Variants in PCGF5 observed in about 807,000 individuals in gnomAD.
PCGF5 encodes polycomb group ring finger 5, also known as polycomb group RING finger protein 5.
PCGF5 carries 9 observed loss-of-function variants against 44.3 expected under a neutral mutation model. That is an observed-to-expected ratio of 0.20 (90% CI 0.12 to 0.35). The LOEUF is 0.35. PCGF5 is among the 10% of genes least tolerant of loss of function. PCGF5 has a pLI of 1.00. For synonymous variants in PCGF5, 95 were observed against 102.5 expected, an observed-to-expected ratio of 0.93 and a Z score of 0.44; for missense variants, 146 against 305.3, an observed-to-expected ratio of 0.48 and a Z score of 3.89.
intron 9 of PCGF5, among the ~76,000 whole-genome samples, chr10:91,273,961 T>C (rs1013029160): frequency 2.0e-5 from 3 of 151,720 alleles, no homozygotes; most frequent in Admixed American, 2.0e-4. Flanking sequence ...TGTTTTCCTA[T>C]TGAAAAATTT....
chr10:91,215,145 A>C (rs1844519500), intron 1 of PCGF5, among the ~76,000 whole-genome samples: 1 of 152,222 alleles, frequency 6.6e-6, no homozygotes, highest in Admixed American at 6.5e-5. Context: ...AAGTTGTTCA[A>C]ATCAGGAACA....
At chr10:91,241,787 T>A (rs1845334854) in intron 3 of PCGF5, among the ~76,000 whole-genome samples, 5 of 152,154 alleles carry the variant, frequency 3.3e-5, no homozygotes, top group African/African-American at 1.2e-4. Flanking sequence ...GATTTGCAAA[T>A]CTTACATTTC....
At chr10:91,253,495 C>G (rs1589398620) in intron 6 of PCGF5, among the ~76,000 whole-genome samples, 1 of 152,024 alleles carries the variant, frequency 6.6e-6, no homozygotes, top group African/African-American at 2.4e-5. Flanking sequence ...GGAAACTTGA[C>G]TTGTCTAAGT....
At chr10:91,190,822 G>A (rs1214684613) in intron 1 of PCGF5, among the ~76,000 whole-genome samples, 9 of 152,202 alleles carry the variant, frequency 5.9e-5, no homozygotes, top group Admixed American at 5.9e-4. Context: ...AAAGCAGAAG[G>A]TTGTGATGTG....
chr10:91,242,534 A>G (rs182444535), intron 3 of PCGF5, among the ~76,000 whole-genome samples: 52 of 152,298 alleles, frequency 3.4e-4, no homozygotes, highest in Middle Eastern at 3.4e-3. Context: ...AGATACCTGA[A>G]GGAATCCAGT....
chr10:91,193,319 C>G (rs1844067994), intron 1 of PCGF5, among the ~76,000 whole-genome samples: 1 of 152,094 alleles, frequency 6.6e-6, no homozygotes, highest in Admixed American at 6.5e-5. Flanking sequence ...GAGGACCCAG[C>G]TCAGCCAAAT....
intron 2 of PCGF5, chr10:91,227,306 C>A (rs779010470): frequency 1.3e-6 from 1 of 768,376 alleles, no homozygotes. Flanking sequence ...CCTCTCAAAT[C>A]TTTATTTTTG....
At chr10:91,232,304 T>C (rs1272784075) in intron 2 of PCGF5, among the ~76,000 whole-genome samples, 1 of 152,198 alleles carries the variant, frequency 6.6e-6, no homozygotes, top group Admixed American at 6.5e-5. Context: ...TGGAAATTTT[T>C]TTATTTTCTG....
intron 2 of PCGF5, chr10:91,227,752 C>T: frequency 1.0e-6 from 1 of 1,000,620 alleles, no homozygotes; most frequent in Non-Finnish European, 1.2e-6. Context: ...TTTCTGCCTA[C>T]CACTTCCTCC....
intron 7 of PCGF5, among the ~76,000 whole-genome samples, chr10:91,262,430 A>AAAAAG (rs974378183): frequency 6.6e-6 from 1 of 152,170 alleles, no homozygotes; most frequent in Non-Finnish European, 1.5e-5. Flanking sequence ...TCCATCTCAA[A>AAAAAG]AAAAGAAAAG....
At chr10:91,165,588 A>G (rs1302982909) in intron 1 of PCGF5, among the ~76,000 whole-genome samples, 2 of 152,208 alleles carry the variant, frequency 1.3e-5, no homozygotes, top group African/African-American at 4.8e-5. Context: ...CCCAGGCTCA[A>G]GTGATCCAAT....
rs77724997 is a variant in PCGF5 at position 91,183,722 on chromosome 10, T to G, written c.-184+20641T>G. 2.6e-5 allele frequency among the ~76,000 whole-genome samples: 4 copies of G among 152,334 alleles called. No individual in the cohort carries two copies. The East Asian group carries it at 7.7e-4, about 29-fold the overall frequency. On this transcript the variant is annotated intron_variant, in intron 1 of 9. Transcript: ENST00000614189. Reference sequence around the variant, plus strand: ...CTGGTAATAGTCCTTCTTTGCCATATGTAGTGTGTCCTTCAGGAGTCTTGT... The same window carrying G: ...CTGGTAATAGTCCTTCTTTGCCATAGGTAGTGTGTCCTTCAGGAGTCTTGT...
At chr10:91,177,434 G>A (rs1843729180) in intron 1 of PCGF5, among the ~76,000 whole-genome samples, 1 of 152,232 alleles carries the variant, frequency 6.6e-6, no homozygotes, top group South Asian at 2.1e-4. Flanking sequence ...CTTCCAAGCT[G>A]TCAGACAGAG....
At chr10:91,158,400 C>T (rs551046462), upstream of PCGF5, among the ~76,000 whole-genome samples, 92 of 152,286 alleles carry the variant, frequency 6.0e-4, no homozygotes, top group African/African-American at 1.9e-3. Context: ...CAACTAGCTA[C>T]GGCGAACTGA....
chr10:91,208,600 C>G (rs1301192767), intron 1 of PCGF5, among the ~76,000 whole-genome samples: 1 of 152,138 alleles, frequency 6.6e-6, no homozygotes, highest in Non-Finnish European at 1.5e-5. Context: ...ATGAAAAATT[C>G]ACCTCATTAT....
rs1026057450 is a variant in PCGF5, at chr10:91,267,693, G to A, written c.663+3173G>A. Among the ~76,000 whole-genome samples, 6 of 152,100 alleles carry A rather than the reference G, an allele frequency of 3.9e-5. 1 individual carries two copies. In the South Asian group the frequency reaches 8.3e-4, roughly 21 times the overall value. On this transcript the variant is annotated intron_variant, in intron 8 of 9. Coordinates refer to ENST00000336126, the MANE Select transcript of PCGF5 (RefSeq NM_032373.5). ...ATTCTGACAGTTGAGTGACATGGAC[G>A]AATGCAGCAGTATCACTAAAACAAT...
chr10:91,254,754 G>T (rs1053694082), intron 6 of PCGF5, among the ~76,000 whole-genome samples: 2 of 152,066 alleles, frequency 1.3e-5, no homozygotes, highest in Non-Finnish European at 2.9e-5. Context: ...AAAGAGTAGA[G>T]TAAGTATCTC....
At chr10:91,205,544 G>A (rs960998620) in intron 1 of PCGF5, among the ~76,000 whole-genome samples, 1 of 152,170 alleles carries the variant, frequency 6.6e-6, no homozygotes, top group Non-Finnish European at 1.5e-5. Flanking sequence ...TCTCAGGCCA[G>A]GCCACACAAG....
rs1267067719 is a variant in PCGF5 at position 91,182,492 on chromosome 10, G to A, written c.-184+19411G>A. 5.9e-5 allele frequency among the ~76,000 whole-genome samples: 9 copies of A among 151,790 alleles called. No homozygotes were observed. The East Asian group carries it at 1.7e-3, about 29-fold the overall frequency. On this transcript the variant is annotated intron_variant, in intron 1 of 9. Transcript: ENST00000614189. ...ATATATTTTATTATTTTTTTCAAAA[G>A]CAAGCTCCTGGATTCATTGATCTTT... is the stretch of plus-strand genomic sequence containing the variant.
Sources: allele counts gnomAD v4.1 joint callset (sites outside exome capture counted in the v4.1 genomes callset), GRCh38; gene constraint gnomAD v4.1.1; transcripts MANE v1.5; gene names NCBI Gene and HGNC (gene_info 2026-07-23, HGNC 2026-07-21).